Variants in USP33 observed in about 807,000 individuals in gnomAD.
USP33 encodes ubiquitin carboxyl-terminal hydrolase 33.
Under a neutral mutation model 124.2 loss-of-function variants are expected in USP33, and 46 were observed. That is an observed-to-expected ratio of 0.37 (90% CI 0.29 to 0.47). The LOEUF (loss-of-function observed/expected upper bound fraction) is 0.47. Ranked by LOEUF, USP33 falls within the 20% of genes least tolerant of loss-of-function variation. The probability of loss-of-function intolerance (pLI) is 0.99; values close to 1 mark genes in which losing one functional copy is unlikely to be tolerated. For synonymous variants in USP33, 350 were observed against 352.3 expected, an observed-to-expected ratio of 0.99 and a Z score of 0.07; for missense variants, 851 against 1,070.6, an observed-to-expected ratio of 0.79 and a Z score of 2.86.
At chr1:77,707,736 G>C (rs1674790366) in intron 21 of USP33, among the ~76,000 whole-genome samples, 1 of 152,188 alleles carries the variant, frequency 6.6e-6, no homozygotes, top group South Asian at 2.1e-4. Flanking sequence ...TGAGAACAGA[G>C]GAAATAAGAA....
At position 77,730,721 on chromosome 1, in the gene USP33, T is replaced by C. The variant is rs1570804560; in HGVS notation, c.535A>G (p.Thr179Ala). 3.2e-6 allele frequency: 5 copies of C among 1,571,454 alleles called. No individual in the cohort carries two copies. The East Asian group carries it at 1.1e-4, about 36-fold the overall frequency. Residue 179 changes from threonine (T) to alanine (A), a missense_variant, in exon 8 of 24, where the codon ACA (threonine) becomes GCA (alanine). This residue lies in a region of USP33 where 221 missense variants were observed against 302.9 expected (regional missense o/e 0.73). Coordinates refer to ENST00000370794, the MANE Select transcript of USP33 (RefSeq NM_201624.3). The stretch of plus-strand genomic sequence containing the variant: ...CCTCCACAATCAAGAAAAAACTGTG[T>C]CAAAGGTGGGCTAATTTTAAAAAGA... ...LQALSNCPPL[T>A]QFFLDCGGLA...
In USP33 at chr1:77,721,199, T is replaced by C; in HGVS notation, c.1664A>G (p.Asn555Ser). ...TTTGCATTTTTCACAACTGTACATA[T>C]TGTCACCTGCAAATAAAACAGATCT... ...FFARDELKGD[N>S]MYSCEKCKKL... is the part of the protein sequence containing the mutation. Residue 555 changes from asparagine to serine, a missense_variant, in exon 15 of 24, where the codon AAT (asparagine) becomes AGT (serine). Transcript: ENST00000370794. 1.9e-6 allele frequency: 3 copies of C among 1,613,890 alleles called. No homozygotes were observed. Among genetic ancestry groups the C allele is most frequent in the Non-Finnish European group, 2.5e-6 (3 of 1,179,898 alleles).
rs111833679 is a variant in USP33, at chr1:77,721,164, T to C, written c.1691+8A>G. ...CATGCAATTAAAAGCACTGTCAATG[T>C]CACTTACTTTTTGCATTTTTCACAA... is the stretch of plus-strand genomic sequence containing the variant. On this transcript the variant is annotated splice_region_variant and intron_variant, in intron 15 of 23. Transcript: ENST00000370794. The C allele has an allele frequency of 2.9e-5, 47 of 1,613,868 alleles. No homozygotes were observed. The East Asian group carries it at 8.5e-4, about 29-fold the overall frequency.
intron 10 of USP33, among the ~76,000 whole-genome samples, chr1:77,726,954 G>A (rs947465176): frequency 6.6e-6 from 1 of 152,146 alleles, no homozygotes; most frequent in African/African-American, 2.4e-5. Context: ...CTATTTGAGT[G>A]AAGAAAAGAG....
Position 77,711,801 on chromosome 1 carries a change from A to T in USP33, c.2352T>A (p.Ile784=). The T allele has an allele frequency of 6.2e-7, 1 of 1,610,524 alleles. No individual in the cohort carries two copies. The highest frequency in any genetic ancestry group is 8.5e-7 in the Non-Finnish European group (1 of 1,179,152). ...TTCTTTTTTCAATTTTCTCCGCCTC[A>T]ATTTGGCAAGTATGACAAATGTACA... ...NHLYICHTCQ[I]EAEKIEKRRK... Residue 784 remains isoleucine, a synonymous_variant, in exon 21 of 24, where the codon ATT becomes ATA. Transcript: ENST00000370794.
At chr1:77,714,125 C>CT (rs1437452085) in intron 19 of USP33, among the ~76,000 whole-genome samples, 4 of 151,880 alleles carry the variant, frequency 2.6e-5, no homozygotes, top group South Asian at 4.2e-4. Flanking sequence ...AATTATGAGG[C>CT]TTTTTTTTCT....
intron 1 of USP33, among the ~76,000 whole-genome samples, chr1:77,754,061 C>T (rs1329855165): frequency 2.0e-5 from 3 of 152,052 alleles, no homozygotes; most frequent in South Asian, 2.1e-4. Flanking sequence ...ATTCAATCAA[C>T]GGTGAAGACT....
chr1:77,734,395 A>C lies in USP33; in HGVS notation c.476T>G (p.Ile159Ser). 1.3e-6 allele frequency: 2 copies of C among 1,598,764 alleles called. No homozygotes were observed. The highest frequency in any genetic ancestry group is 1.7e-6 in the Non-Finnish European group (2 of 1,174,178). The change falls in exon 7 of 24, where the codon ATT (isoleucine) becomes AGT (serine). Residue 159 changes from isoleucine to serine, a missense_variant. By Grantham distance (142) the Ile-to-Ser change is moderately radical (BLOSUM62 -2). Coordinates refer to ENST00000370794, the MANE Select transcript of USP33 (RefSeq NM_201624.3). ...RARGLTGLKNIGNTCYMNAAL... is the reference protein window; with the variant it reads ...RARGLTGLKNSGNTCYMNAAL... ...TGCATTCATGTAACAAGTATTTCCA[A>C]TATTTTTCAAACCTGTAAGACCTAT...
chr1:77,746,911 A>T (rs1206765562), intron 1 of USP33, among the ~76,000 whole-genome samples: 1 of 152,194 alleles, frequency 6.6e-6, no homozygotes, highest in Non-Finnish European at 1.5e-5. Context: ...ATAATATTTC[A>T]CTAGTACTTT....
intron 1 of USP33, among the ~76,000 whole-genome samples, chr1:77,751,956 G>C (rs777308893): frequency 1.3e-5 from 2 of 151,948 alleles, no homozygotes; most frequent in South Asian, 4.2e-4. Flanking sequence ...CCAAAGTGCT[G>C]GGATTACAGG....
At chr1:77,757,732 T>C (rs1238889962) in intron 1 of USP33, among the ~76,000 whole-genome samples, 4 of 152,318 alleles carry the variant, frequency 2.6e-5, no homozygotes, top group Admixed American at 6.5e-5. Context: ...GAATTCCCAA[T>C]CTGTATCAAA....
At chr1:77,742,158 A>T (rs1450695365) in intron 1 of USP33, among the ~76,000 whole-genome samples, 1 of 152,244 alleles carries the variant, frequency 6.6e-6, no homozygotes, top group Non-Finnish European at 1.5e-5. Context: ...GAGTTGAAAA[A>T]AAAAAACTTC....
chr1:77,703,073 C>A (rs12021502), intron 21 of USP33, among the ~76,000 whole-genome samples: 9,141 of 152,106 alleles, frequency 0.06, 412 homozygotes, highest in East Asian at 0.12. Flanking sequence ...TTCACAGATA[C>A]CCTTATAAAA....
At chr1:77,744,447 T>C (rs532310152) in intron 1 of USP33, among the ~76,000 whole-genome samples, 14 of 152,300 alleles carry the variant, frequency 9.2e-5, no homozygotes, top group Non-Finnish European at 1.8e-4. Context: ...ACTAGAGCCC[T>C]ACAGATCCAC....
chr1:77,717,154 C>T (rs967919555), intron 17 of USP33, among the ~76,000 whole-genome samples: 1 of 152,022 alleles, frequency 6.6e-6, no homozygotes, highest in Admixed American at 6.6e-5. Context: ...TATGAGCCAC[C>T]ACACCCAGCT....
In USP33 at chr1:77,734,349, A is replaced by G. The variant is rs1474251234; in HGVS notation, c.522T>C (p.Asn174=). The G allele has an allele frequency of 2.1e-5, 33 of 1,586,294 alleles. No homozygotes were observed. Among genetic ancestry groups the G allele is most frequent in the Non-Finnish European group, 2.7e-5 (32 of 1,169,196 alleles). Residue 174 remains asparagine (N), a splice_region_variant and synonymous_variant, in exon 7 of 24, where the codon AAT becomes AAC. Transcript: ENST00000370794. The part of the protein sequence containing the change: ...YMNAALQALS[N]CPPLTQFFLD... ...ACAAAATTAATTTCTCTATTTACCA[A>G]TTAGAAAGAGCCTGCAAAGCTGCAT...
At chr1:77,716,506 C>T (rs937080302) in intron 17 of USP33, among the ~76,000 whole-genome samples, 15 of 152,194 alleles carry the variant, frequency 9.9e-5, no homozygotes, top group African/African-American at 2.2e-4. Flanking sequence ...GCAGCCTCGA[C>T]GAGCCAGTGA....
rs1368421640 is a variant in USP33 at position 77,718,746 on chromosome 1, A to G, written c.1692-105T>C. The G allele has an allele frequency of 4.5e-6, 4 of 890,998 alleles. No individual in the cohort carries two copies. In the African/African-American group the frequency reaches 6.9e-5, roughly 15 times the overall value. The allele number at this position is 890,998 out of a possible 1,614,324, so 55.2% of individuals were successfully genotyped here. ...AATGCAGAGATCCAGCCTGGCAAAC[A>G]TGGTGAAATCCCGTCTCTACTAAAA... On this transcript the variant is annotated intron_variant, in intron 15 of 23. Coordinates refer to ENST00000370794, the MANE Select transcript of USP33 (RefSeq NM_201624.3).
chr1:77,747,901 T>C (rs574757919), intron 1 of USP33, among the ~76,000 whole-genome samples: 2 of 152,338 alleles, frequency 1.3e-5, no homozygotes, highest in Middle Eastern at 3.4e-3. Flanking sequence ...ACTACCTTTA[T>C]CTTTTATTAA....
Sources: gnomAD v4.1 joint callset for allele counts (sites outside exome capture counted in the v4.1 genomes callset) on GRCh38, gnomAD v4.1.1 for gene constraint, gnomAD v4.1.1 regional missense constraint, MANE v1.5 for transcripts, NCBI Gene and HGNC (gene_info 2026-07-23, HGNC 2026-07-21) for gene names.